Variants in USP37 observed in about 807,000 individuals in gnomAD.
The protein encoded by USP37 is ubiquitin specific peptidase 37, also known as ubiquitin carboxyl-terminal hydrolase 37.
Under a neutral mutation model 124.0 loss-of-function variants are expected in USP37, and 27 were observed. That is an observed-to-expected ratio of 0.22 (90% CI 0.16 to 0.30). The LOEUF (loss-of-function observed/expected upper bound fraction) is 0.30. USP37 is among the 10% of genes least tolerant of loss of function. USP37 has a pLI of 1.00. For synonymous variants in USP37, 365 were observed against 388.0 expected (o/e 0.94, Z 0.70); for missense variants, 889 against 1,140.4 (o/e 0.78, Z 3.17).
intron 11 of USP37, 39 bp from the exon 12 acceptor site, chr2:218,498,196 A>G (rs756617007): frequency 6.5e-7 from 1 of 1,549,068 alleles, no homozygotes; most frequent in Non-Finnish European, 8.6e-7. Flanking sequence ...AGGCAACAGG[A>G]ATTCCTAAAG....
intron 17 of USP37, among the ~76,000 whole-genome samples, chr2:218,481,458 A>C (rs548029842): frequency 6.6e-6 from 1 of 152,268 alleles, no homozygotes; most frequent in East Asian, 1.9e-4. Context: ...GGTGACTCTT[A>C]TTATCACCTA....
At chr2:218,458,955 T>C (rs753679256) in intron 23 of USP37, among the ~76,000 whole-genome samples, 16 of 151,952 alleles carry the variant, frequency 1.1e-4, no homozygotes, top group Non-Finnish European at 1.9e-4. Flanking sequence ...TTAAAAAGTA[T>C]ACATGGAGGT....
chr2:218,528,841 A>AAAAAAAAT, intron 10 of USP37: 1 of 353,340 alleles, frequency 2.8e-6, no homozygotes, highest in Non-Finnish European at 4.8e-6. Context: ...AAAAAAAAAA[A>AAAAAAAAT]GAGCTTATCT....
intron 24 of USP37, among the ~76,000 whole-genome samples, chr2:218,456,404 A>T (rs1180979784): frequency 6.6e-6 from 1 of 151,028 alleles, no homozygotes; most frequent in Non-Finnish European, 1.5e-5. Flanking sequence ...TGCTGCAATG[A>T]GCTAATGATG....
chr2:218,491,329 G>C (rs946340943), intron 14 of USP37, among the ~76,000 whole-genome samples: 2 of 152,192 alleles, frequency 1.3e-5, no homozygotes, highest in Non-Finnish European at 2.9e-5. Flanking sequence ...CAGCCTTTAG[G>C]AAATGAGTGG....
chr2:218,499,617 G>T (rs1316533045), intron 11 of USP37, among the ~76,000 whole-genome samples: 1 of 152,110 alleles, frequency 6.6e-6, no homozygotes, highest in Non-Finnish European at 1.5e-5. Context: ...ATCCAAGAAG[G>T]TTCTTTATAG....
chr2:218,558,999 G>GT (rs1174447656), intron 3 of USP37, among the ~76,000 whole-genome samples: 6 of 96,672 alleles, frequency 6.2e-5, no homozygotes, highest in Admixed American at 1.1e-4. Flanking sequence ...CCAAATATAA[G>GT]TTAAAAAAAA....
intron 10 of USP37, among the ~76,000 whole-genome samples, chr2:218,514,068 C>T (rs2106006886): frequency 1.3e-5 from 2 of 152,220 alleles, no homozygotes; most frequent in South Asian, 4.1e-4. Flanking sequence ...ATCTACCTGC[C>T]CTGGCCTCCC....
chr2:218,476,421 A>T (rs777673468), intron 19 of USP37, among the ~76,000 whole-genome samples: 27 of 148,582 alleles, frequency 1.8e-4, no homozygotes, highest in Non-Finnish European at 3.5e-4. Context: ...AAAAAATTTT[A>T]AAAACTAGCC....
chr2:218,477,332 T>G (rs1444599048), intron 18 of USP37, among the ~76,000 whole-genome samples: 6 of 152,252 alleles, frequency 3.9e-5, no homozygotes, highest in Non-Finnish European at 8.8e-5. Context: ...ACAAAGTGCA[T>G]GAAGACTAAT....
chr2:218,510,458 C>G (rs762788448), intron 10 of USP37, among the ~76,000 whole-genome samples: 5 of 152,158 alleles, frequency 3.3e-5, no homozygotes, highest in Non-Finnish European at 7.4e-5. Flanking sequence ...TAGTCTTGAA[C>G]AGATTTACAG....
chr2:218,502,891 G>C (rs754786074), intron 11 of USP37, among the ~76,000 whole-genome samples: 1 of 152,036 alleles, frequency 6.6e-6, no homozygotes, highest in Admixed American at 6.6e-5. Flanking sequence ...GAATATGCAA[G>C]AACTAGGGAA....
chr2:218,486,069 G>T, intron 15 of USP37: 1 of 224,312 alleles, frequency 4.5e-6, no homozygotes. Context: ...CCACTACCAA[G>T]AGTATATCCA....
chr2:218,530,065 A>G lies in USP37; in HGVS notation c.779-25T>C, dbSNP rs775973709. Reference sequence around the variant, plus strand: ...CCTATAAAACAAATGAACAAAGGAAAAACTTAATTCCTAAATCAACCATTC... The same window carrying G: ...CCTATAAAACAAATGAACAAAGGAAGAACTTAATTCCTAAATCAACCATTC... On this transcript the variant is annotated intron_variant, in intron 9 of 25. Coordinates refer to ENST00000258399, the MANE Select transcript of USP37 (RefSeq NM_020935.3). 1.9e-5 allele frequency: 29 copies of G among 1,561,020 alleles called. No individual in the cohort carries two copies. The East Asian group carries it at 6.5e-4, about 35-fold the overall frequency.
chr2:218,558,356 T>A, intron 4 of USP37, 142 bp downstream of exon 4: 1 of 758,228 alleles, frequency 1.3e-6, no homozygotes. Flanking sequence ...AACATGTACA[T>A]AAAAATATTA....
intron 10 of USP37, among the ~76,000 whole-genome samples, chr2:218,511,452 G>A (rs1210662865): frequency 6.6e-6 from 1 of 152,232 alleles, no homozygotes; most frequent in Non-Finnish European, 1.5e-5. Context: ...GGGACTACAG[G>A]CGTGCGCCAC....
In USP37 at chr2:218,511,225, C is replaced by A. The variant is rs833086; in HGVS notation, c.864-1085G>T. Among the ~76,000 whole-genome samples, 923 of 151,780 alleles carry A rather than the reference C, an allele frequency of 6.1e-3. 8 individuals are homozygous for A. The highest frequency in any genetic ancestry group is 0.021 in the African/African-American group (888 of 41,388). On this transcript the variant is annotated intron_variant, in intron 10 of 25. Coordinates refer to ENST00000258399, the MANE Select transcript of USP37 (RefSeq NM_020935.3). ...CGTGATCTCGACTCACTGCAACCTC[C>A]ACCTCCCGGTTTCAAGCGAGTCTTG...
intron 8 of USP37, among the ~76,000 whole-genome samples, chr2:218,544,426 T>G (rs377689634): frequency 0.12 from 5,473 of 46,790 alleles, 182 homozygotes; most frequent in Admixed American, 0.14. Flanking sequence ...TATATATATA[T>G]ATATAGAGAG....
At chr2:218,520,787 G>A (rs574196876) in intron 10 of USP37, among the ~76,000 whole-genome samples, 3 of 152,182 alleles carry the variant, frequency 2.0e-5, no homozygotes, top group Admixed American at 1.3e-4. Context: ...CTGACTCCCT[G>A]CAACCTTTAC....
Sources: allele counts gnomAD v4.1 joint callset (sites outside exome capture counted in the v4.1 genomes callset), GRCh38; gene constraint gnomAD v4.1.1; transcripts MANE v1.5; gene names NCBI Gene and HGNC (gene_info 2026-07-23, HGNC 2026-07-21).